Variants in ESR1 observed in about 807,000 individuals in gnomAD.
ESR1 encodes the protein estrogen receptor.
A neutral mutation model predicts 52.7 loss-of-function variants in ESR1; 12 were observed. That is an observed-to-expected ratio of 0.23 (90% CI 0.15 to 0.37). The LOEUF is 0.37. ESR1 is among the 10% of genes least tolerant of loss of function. The probability of loss-of-function intolerance (pLI) is 1.00; values close to 1 mark genes in which losing one functional copy is unlikely to be tolerated. For synonymous variants in ESR1, 305 were observed against 316.8 expected (o/e 0.96, Z 0.39); for missense variants, 584 against 779.7 (o/e 0.75, Z 2.99).
intron 2 of ESR1, among the ~76,000 whole-genome samples, chr6:151,741,980 C>T (rs1783131093): frequency 6.6e-6 from 1 of 152,140 alleles, no homozygotes; most frequent in Non-Finnish European, 1.5e-5. Context: ...TGTTCTATTT[C>T]CGTATATTTG....
In ESR1 at chr6:152,074,593, T is replaced by A. The variant is rs567712946; in HGVS notation, c.1369+13469T>A. Among the ~76,000 whole-genome samples, 5 of 152,366 alleles carry A rather than the reference T, an allele frequency of 3.3e-5. No homozygotes were observed. In the South Asian group the frequency reaches 1.0e-3, roughly 32 times the overall value. ...TAATTGTGTTGATATGCATTTTTAATGCTTTTGGATAAACACTCAGGAGCA... is the reference window on the plus strand; with the variant it reads ...TAATTGTGTTGATATGCATTTTTAAAGCTTTTGGATAAACACTCAGGAGCA... On this transcript the variant is annotated intron_variant, in intron 6 of 7. Coordinates refer to ENST00000206249, the MANE Select transcript of ESR1 (RefSeq NM_000125.4).
In ESR1 at chr6:152,100,089, G is replaced by T; in HGVS notation, c.*1123G>T. 2.5e-6 allele frequency: 1 copy of T among 398,860 alleles called. No individual in the cohort carries two copies. The highest frequency in any genetic ancestry group is 4.4e-6 in the Non-Finnish European group (1 of 226,232). The allele number at this position is 398,860 out of a possible 1,614,324, so 24.7% of individuals were successfully genotyped here. On this transcript the variant is annotated 3_prime_UTR_variant, in exon 8 of 8. Transcript: ENST00000206249. ...GGCACAGCCAGACTTGCTCAGGGTG[G>T]CCCTGCCACAGGCTGCAGCTACCTA...
At chr6:151,987,546 G>A (rs751984449) in intron 4 of ESR1, among the ~76,000 whole-genome samples, 3 of 152,010 alleles carry the variant, frequency 2.0e-5, no homozygotes, top group Non-Finnish European at 4.4e-5. Flanking sequence ...AGAAAGATAG[G>A]TTACGACAGT....
At chr6:151,826,055 C>A (rs960643783) in intron 1 of ESR1, among the ~76,000 whole-genome samples, 1 of 151,522 alleles carries the variant, frequency 6.6e-6, no homozygotes, top group Non-Finnish European at 1.5e-5. Context: ...CCAGGTTGAG[C>A]AGAAAGCCCT....
Position 151,808,291 on chromosome 6 carries a change from C to A in ESR1, c.379C>A (p.Gln127Lys). ...LSPFLQPHGQ[Q>K]VPYYLENEPS... is the part of the protein sequence containing the mutation. ...GCCTTTCCTGCAGCCCCACGGCCAG[C>A]AGGTGCCCTACTACCTGGAGAACGA... The change falls in exon 1 of 8, where the codon CAG becomes AAG. Residue 127 changes from glutamine to lysine, a missense_variant. By Grantham distance (53) the Gln-to-Lys change is moderately conservative. This residue lies in a region of ESR1 where 251 missense variants were observed against 246.1 expected (regional missense o/e 1.02). Coordinates refer to ENST00000206249, the MANE Select transcript of ESR1 (RefSeq NM_000125.4). 6.3e-7 allele frequency: 1 copy of A among 1,581,450 alleles called. No individual in the cohort carries two copies. The highest frequency in any genetic ancestry group is 8.6e-7 in the Non-Finnish European group (1 of 1,165,670).
At chr6:152,072,092 G>A (rs1269863934) in intron 6 of ESR1, among the ~76,000 whole-genome samples, 1 of 152,142 alleles carries the variant, frequency 6.6e-6, no homozygotes, top group Non-Finnish European at 1.5e-5. Flanking sequence ...CCGCTGCTCA[G>A]CCACTGCCCT....
chr6:151,977,126 A>T (rs1231965846), intron 4 of ESR1, among the ~76,000 whole-genome samples: 2 of 152,146 alleles, frequency 1.3e-5, no homozygotes, highest in Non-Finnish European at 2.9e-5. Flanking sequence ...GAGTGAAAAT[A>T]AGTGAAGGCA....
chr6:151,993,362 T>A (rs1389230464), intron 4 of ESR1, among the ~76,000 whole-genome samples: 1 of 152,260 alleles, frequency 6.6e-6, no homozygotes, highest in Non-Finnish European at 1.5e-5. Flanking sequence ...CTAGATGTAT[T>A]GATCTATTTA....
intron 2 of ESR1, among the ~76,000 whole-genome samples, chr6:151,772,235 G>A (rs1363865505): frequency 6.6e-6 from 1 of 152,132 alleles, no homozygotes; most frequent in Non-Finnish European, 1.5e-5. Flanking sequence ...GGTACCTGTA[G>A]GGGTCTCAGT....
At chr6:151,849,569 G>A (rs141194091) in intron 2 of ESR1, among the ~76,000 whole-genome samples, 1,750 of 151,982 alleles carry the variant, frequency 0.012, 10 homozygotes, top group Non-Finnish European at 0.017. Context: ...GCTTGAACTC[G>A]GGAGGTGGAG....
At chr6:151,994,620 G>A (rs1421047362) in intron 4 of ESR1, among the ~76,000 whole-genome samples, 1 of 152,170 alleles carries the variant, frequency 6.6e-6, no homozygotes, top group Non-Finnish European at 1.5e-5. Context: ...ATCTGTGACA[G>A]TGGGCAGTGT....
At chr6:151,711,778 T>C (rs1386035615) in intron 2 of ESR1, among the ~76,000 whole-genome samples, 1 of 152,194 alleles carries the variant, frequency 6.6e-6, no homozygotes, top group Admixed American at 6.5e-5. Context: ...TTACGAAATT[T>C]TTCCCCCATT....
chr6:151,694,392 T>G (rs371266704), intron 1 of ESR1, among the ~76,000 whole-genome samples: 1 of 152,268 alleles, frequency 6.6e-6, no homozygotes, highest in South Asian at 2.1e-4. Flanking sequence ...ATCTGTAAAA[T>G]GGGAATAATT....
At chr6:151,809,078 T>C in intron 1 of ESR1, 1 of 314,438 alleles carries the variant, frequency 3.2e-6, no homozygotes, top group Non-Finnish European at 6.8e-6. Flanking sequence ...GTCCCGCGAG[T>C]TTAAAACAAG....
At chr6:151,914,987 A>C (rs1030164814) in intron 3 of ESR1, among the ~76,000 whole-genome samples, 1 of 152,214 alleles carries the variant, frequency 6.6e-6, no homozygotes, top group Admixed American at 6.5e-5. Flanking sequence ...AAATTTAAAG[A>C]AAGCATTAGG....
intron 5 of ESR1, among the ~76,000 whole-genome samples, chr6:152,050,102 A>G (rs1038793219): frequency 2.6e-5 from 4 of 152,240 alleles, no homozygotes; most frequent in African/African-American, 9.6e-5. Flanking sequence ...TAAAAAGACA[A>G]TAATAGCAAC....
At chr6:152,013,106 C>G (rs1477585458) in intron 5 of ESR1, among the ~76,000 whole-genome samples, 1 of 152,144 alleles carries the variant, frequency 6.6e-6, no homozygotes, top group African/African-American at 2.4e-5. Context: ...TAGTCTTGTT[C>G]CTTAGAACTG....
intron 4 of ESR1, among the ~76,000 whole-genome samples, chr6:151,970,453 G>A (rs923814479): frequency 6.6e-6 from 1 of 152,098 alleles, no homozygotes; most frequent in Non-Finnish European, 1.5e-5. Flanking sequence ...GAGTCTTTCT[G>A]GTCTTCTAGA....
intron 1 of ESR1, among the ~76,000 whole-genome samples, chr6:151,828,456 A>G (rs1314928928): frequency 6.6e-6 from 1 of 152,208 alleles, no homozygotes; most frequent in African/African-American, 2.4e-5. Context: ...TGAAAGGGCT[A>G]GAAAAGGTTA....
Sources: gnomAD v4.1 joint callset for allele counts (sites outside exome capture counted in the v4.1 genomes callset) on GRCh38, gnomAD v4.1.1 for gene constraint, gnomAD v4.1.1 regional missense constraint, MANE v1.5 for transcripts, NCBI Gene and HGNC (gene_info 2026-07-23, HGNC 2026-07-21) for gene names.